The following EIF4G3 variants were observed in gnomAD, a reference collection of about 807,000 sequenced individuals.
EIF4G3 encodes eukaryotic translation initiation factor 4 gamma 3, also known as eIF-4-gamma 3.
Under a neutral mutation model 186.4 loss-of-function variants are expected in EIF4G3, and 34 were observed. The observed-to-expected ratio is 0.18, with a 90% confidence interval of 0.14 to 0.24. The LOEUF (loss-of-function observed/expected upper bound fraction) is 0.24. EIF4G3 is among the 10% of genes least tolerant of loss of function. The pLI is 1.00. For synonymous variants in EIF4G3, 673 were observed against 679.5 expected (o/e 0.99, Z 0.15); for missense variants, 1,536 against 1,948.5 (o/e 0.79, Z 3.99).
chr1:21,001,163 C>T (rs1242726551), intron 6 of EIF4G3, 36 bp downstream of exon 6: 1 of 471,284 alleles, frequency 2.1e-6, no homozygotes, highest in Non-Finnish European at 4.4e-6. Flanking sequence ...AGAGGCACCA[C>T]TGCCTGCAAG....
intron 3 of EIF4G3, among the ~76,000 whole-genome samples, chr1:21,083,193 A>T (rs1240605069): frequency 6.6e-6 from 1 of 152,020 alleles, no homozygotes; most frequent in Non-Finnish European, 1.5e-5. Context: ...ATGAGCTGTA[A>T]TTATGCCACT....
intron 12 of EIF4G3, among the ~76,000 whole-genome samples, chr1:20,959,985 T>C (rs908180226): frequency 6.6e-6 from 1 of 152,028 alleles, no homozygotes; most frequent in African/African-American, 2.4e-5. Flanking sequence ...AGTACAAAGA[T>C]TCCTTAAAGA....
intron 2 of EIF4G3, among the ~76,000 whole-genome samples, chr1:21,164,518 G>C (rs1178730012): frequency 2.6e-5 from 4 of 152,148 alleles, no homozygotes; most frequent in Non-Finnish European, 5.9e-5. Context: ...CTTGAGCTCA[G>C]GAGTTTGAGA....
rs1209651895 is a variant in EIF4G3, at chr1:20,972,982, AAG to A, written c.591+18_591+19del. On this transcript the variant is annotated intron_variant, in intron 11 of 36. Coordinates refer to ENST00000602326, the MANE Select transcript of EIF4G3 (RefSeq NM_001391906.1). ...TAGATTTTAGATTTAAAATAAGAAA[AAG>A]TAATAAAAATCTCTTACAGTTTTTT... is the stretch of plus-strand genomic sequence containing the variant. 6.4e-7 allele frequency: 1 copy of A among 1,562,632 alleles called. No individual in the cohort carries two copies. The highest frequency in any genetic ancestry group is 8.7e-7 in the Non-Finnish European group (1 of 1,155,006).
At position 21,167,394 on chromosome 1, in the gene EIF4G3, C is replaced by A. The variant is rs114576785; in HGVS notation, c.-272+8781G>T. Among the ~76,000 whole-genome samples, 1,051 of 152,248 alleles carry A rather than the reference C, an allele frequency of 6.9e-3. 12 individuals are homozygous for A. Among genetic ancestry groups the A allele is most frequent in the African/African-American group, 0.024 (995 of 41,544 alleles). On this transcript the variant is annotated intron_variant, in intron 2 of 36. Coordinates refer to ENST00000602326, the MANE Select transcript of EIF4G3 (RefSeq NM_001391906.1). Reference sequence around the variant, plus strand: ...TCCTGAAAACCAACTAAATGCCAGACGCGATGGCTCACGCCTGTAATCCCA... The same window carrying A: ...TCCTGAAAACCAACTAAATGCCAGAAGCGATGGCTCACGCCTGTAATCCCA...
intron 2 of EIF4G3, among the ~76,000 whole-genome samples, chr1:21,113,188 T>C (rs1404144114): frequency 2.6e-5 from 4 of 151,472 alleles, no homozygotes; most frequent in African/African-American, 9.7e-5. Context: ...CTATGTAATG[T>C]TTTTTAATGC....
intron 6 of EIF4G3, 150 bp downstream of exon 6, chr1:21,001,049 C>T: frequency 2.7e-6 from 1 of 369,056 alleles, no homozygotes; most frequent in South Asian, 2.0e-5. Context: ...CCCCACTATG[C>T]CTGGCAGAAA....
At position 20,961,212 on chromosome 1, in the gene EIF4G3, G is replaced by A. The variant is rs552212194; in HGVS notation, c.714+8262C>T. ...ATCCTGGCCAATGTGGTGAAACCCC[G>A]TCTCTACTAAAAACACAAAAATTAG... On this transcript the variant is annotated intron_variant, in intron 12 of 36. Coordinates refer to ENST00000602326, the MANE Select transcript of EIF4G3 (RefSeq NM_001391906.1). 1.2e-3 allele frequency among the ~76,000 whole-genome samples: 183 copies of A among 152,050 alleles called. 1 individual carries two copies. Among genetic ancestry groups the A allele is most frequent in the East Asian group, 3.9e-4 (2 of 5,164 alleles).
At chr1:21,047,923 C>G (rs960342609) in intron 4 of EIF4G3, among the ~76,000 whole-genome samples, 2 of 152,114 alleles carry the variant, frequency 1.3e-5, no homozygotes, top group Non-Finnish European at 1.5e-5. Flanking sequence ...AGAGGCTTCC[C>G]TCTGTCTGAA....
At chr1:20,990,032 G>C (rs1017218835) in intron 7 of EIF4G3, among the ~76,000 whole-genome samples, 5 of 152,178 alleles carry the variant, frequency 3.3e-5, no homozygotes, top group African/African-American at 1.2e-4. Flanking sequence ...CAAAAAATTA[G>C]CCAGATGTGG....
chr1:21,050,534 C>T (rs959493307), intron 4 of EIF4G3, among the ~76,000 whole-genome samples: 8 of 152,162 alleles, frequency 5.3e-5, no homozygotes, highest in Admixed American at 2.0e-4. Flanking sequence ...GAAAGGGGTG[C>T]GAGACGGTAG....
At chr1:20,817,563 T>C (rs776938721) in intron 33 of EIF4G3, 25 bp from the exon 34 acceptor site, 5 of 1,409,790 alleles carry the variant, frequency 3.5e-6, no homozygotes, top group East Asian at 5.1e-5. Flanking sequence ...GTGGAACATA[T>C]TAATATATTA....
In EIF4G3 at chr1:20,864,720, G is replaced by GT; in HGVS notation, c.2770-9dup. On this transcript the variant is annotated splice_polypyrimidine_tract_variant and intron_variant, in intron 21 of 36. Transcript: ENST00000602326. ...CCTTGTCCTCTCCTCTGGCTGTTGTGTAAGGAGGAATAATAGCATCTTGAT... is the reference window on the plus strand; with the variant it reads ...CCTTGTCCTCTCCTCTGGCTGTTGTGTTAAGGAGGAATAATAGCATCTTGAT... 6.2e-7 allele frequency: 1 copy of GT among 1,604,958 alleles called. No individual in the cohort carries two copies. The highest frequency in any genetic ancestry group is 8.5e-7 in the Non-Finnish European group (1 of 1,172,192).
chr1:20,877,430 G>C (rs186870893), intron 20 of EIF4G3, among the ~76,000 whole-genome samples: 1 of 152,326 alleles, frequency 6.6e-6, no homozygotes, highest in East Asian at 1.9e-4. Context: ...TTCAAGCTCA[G>C]CTTTTGGTTC....
intron 18 of EIF4G3, among the ~76,000 whole-genome samples, chr1:20,890,279 A>C (rs1309865314): frequency 1.3e-5 from 2 of 151,452 alleles, no homozygotes; most frequent in Non-Finnish European, 2.9e-5. Context: ...TTTATATTAG[A>C]AGTCATGGCT....
chr1:20,947,057 T>A (rs2095982361), intron 13 of EIF4G3, among the ~76,000 whole-genome samples: 1 of 152,188 alleles, frequency 6.6e-6, no homozygotes, highest in African/African-American at 2.4e-5. Flanking sequence ...AGGAAATTTT[T>A]AAAAACTCCT....
intron 10 of EIF4G3, among the ~76,000 whole-genome samples, chr1:20,978,923 C>A (rs1440192342): frequency 6.6e-6 from 1 of 150,972 alleles, no homozygotes; most frequent in Non-Finnish European, 1.5e-5. Flanking sequence ...AAAAAAAAAA[C>A]CTTCTTGGGC....
intron 7 of EIF4G3, among the ~76,000 whole-genome samples, chr1:20,991,410 A>C (rs1482323295): frequency 6.6e-6 from 1 of 152,168 alleles, no homozygotes; most frequent in Non-Finnish European, 1.5e-5. Context: ...TCTACAAAAA[A>C]TACAAAAGTT....
intron 4 of EIF4G3, among the ~76,000 whole-genome samples, chr1:21,007,534 A>AAAC (rs2085547603): frequency 2.8e-5 from 4 of 144,194 alleles, no homozygotes; most frequent in African/African-American, 1.0e-4. Context: ...AAAAAAAAAA[A>AAAC]AAACACACTC....
Sources: allele counts gnomAD v4.1 joint callset (sites outside exome capture counted in the v4.1 genomes callset), GRCh38; gene constraint gnomAD v4.1.1; transcripts MANE v1.5; gene names NCBI Gene and HGNC (gene_info 2026-07-23, HGNC 2026-07-21).